YIPF4: variants seen among roughly 807,000 people sequenced by gnomAD.
YIPF4 encodes Yip1 domain family member 4, also known as protein YIPF4.
Under a neutral mutation model 29.4 loss-of-function variants are expected in YIPF4, and 18 were observed. The observed-to-expected ratio is 0.61, with a 90% CI of 0.42 to 0.91. YIPF4 has a LOEUF of 0.91. YIPF4 is among the 40% of genes least tolerant of loss of function. YIPF4 has a pLI of 0.00. For missense variants in YIPF4, 279 were observed against 282.7 expected, an observed-to-expected ratio of 0.99 and a Z score of 0.09; for synonymous variants, 115 against 104.7, an observed-to-expected ratio of 1.10 and a Z score of -0.60.
At chr2:32,296,428 G>A (rs1196496328) in intron 3 of YIPF4, among the ~76,000 whole-genome samples, 2 of 149,098 alleles carry the variant, frequency 1.3e-5, no homozygotes, top group Admixed American at 6.7e-5. Context: ...CCGAGATCAC[G>A]CCACTGCACT....
chr2:32,289,645 C>G (rs1352460569), intron 1 of YIPF4, among the ~76,000 whole-genome samples: 1 of 152,092 alleles, frequency 6.6e-6, no homozygotes, highest in African/African-American at 2.4e-5. Flanking sequence ...AAATCCTTAA[C>G]TATTTCCATT....
At chr2:32,278,938 A>G (rs2030244531) in intron 1 of YIPF4, among the ~76,000 whole-genome samples, 1 of 151,908 alleles carries the variant, frequency 6.6e-6, no homozygotes, top group African/African-American at 2.4e-5. Flanking sequence ...TCAGTTCCCT[A>G]TCCAACTCAT....
intron 3 of YIPF4, among the ~76,000 whole-genome samples, chr2:32,293,668 C>T (rs1351359156): frequency 9.3e-5 from 14 of 151,096 alleles, no homozygotes; most frequent in African/African-American, 2.7e-4. Context: ...TAGGGGAGGC[C>T]GGGCAGAGGC....
In YIPF4 at chr2:32,292,280, C is replaced by G. The variant is rs780167554; in HGVS notation, c.337C>G (p.Pro113Ala). 5.0e-6 allele frequency: 8 copies of G among 1,605,838 alleles called. No homozygotes were observed. In the South Asian group the frequency reaches 8.9e-5, roughly 18 times the overall value. ...GFNRQVVRDN[P>A]DFWGPLAVVL... ...TAATAGACAAGTGGTGAGAGACAATCCTGACTTTTGGGGTCCTCTGGCTGT... is the reference window on the plus strand; with the variant it reads ...TAATAGACAAGTGGTGAGAGACAATGCTGACTTTTGGGGTCCTCTGGCTGT... Residue 113 changes from proline to alanine, a missense_variant, in exon 3 of 6, where the codon CCT becomes GCT. Physicochemically the swap from Pro to Ala is conservative, Grantham distance 27. Coordinates refer to ENST00000238831, the MANE Select transcript of YIPF4 (RefSeq NM_032312.4).
At chr2:32,286,294 G>A (rs189245413) in intron 1 of YIPF4, among the ~76,000 whole-genome samples, 1 of 152,138 alleles carries the variant, frequency 6.6e-6, no homozygotes, top group South Asian at 2.1e-4. Flanking sequence ...GAAAAACTGG[G>A]TAAAGGGTAC....
rs970309379 is a variant in YIPF4, at chr2:32,315,057, T to A, written c.*9431T>A. ...CATAATCCATAACTGATATGGCAGTTTAACAGTGTTATTAAGAACTCAAGG... is the reference window on the plus strand; with the variant it reads ...CATAATCCATAACTGATATGGCAGTATAACAGTGTTATTAAGAACTCAAGG... On this transcript the variant is annotated 3_prime_UTR_variant, in exon 6 of 6. Transcript: ENST00000238831. 1 of 152,230 alleles carries A rather than the reference T, an allele frequency of 6.6e-6. No individual in the cohort carries two copies. The highest frequency in any genetic ancestry group is 6.5e-5 in the Admixed American group (1 of 15,286). The allele number at this position is 152,230 out of a possible 1,614,324, so 9.4% of individuals were successfully genotyped here.
chr2:32,314,711 T>A lies in YIPF4; in HGVS notation c.*9085T>A, dbSNP rs1224961055. 6.6e-6 allele frequency: 1 copy of A among 152,026 alleles called. No homozygotes were observed. The highest frequency in any genetic ancestry group is 1.5e-5 in the Non-Finnish European group (1 of 68,012). The allele number at this position is 152,026 out of a possible 1,614,324, so 9.4% of individuals were successfully genotyped here. On this transcript the variant is annotated 3_prime_UTR_variant, in exon 6 of 6. Coordinates refer to ENST00000238831, the MANE Select transcript of YIPF4 (RefSeq NM_032312.4). ...AAAAATAAGGCTCCAAGCGCTGTTG[T>A]GAGGGTTAAATGAACTAGATAATTA...
intron 3 of YIPF4, among the ~76,000 whole-genome samples, chr2:32,295,831 G>C (rs2031157306): frequency 6.6e-6 from 1 of 152,134 alleles, no homozygotes; most frequent in Non-Finnish European, 1.5e-5. Flanking sequence ...TCAAACTCCT[G>C]ATCTCAGGTG....
chr2:32,306,648 A>T lies in YIPF4; in HGVS notation c.*1022A>T. 1.0e-6 allele frequency: 1 copy of T among 966,284 alleles called. No homozygotes were observed. The highest frequency in any genetic ancestry group is 4.8e-5 in the South Asian group (1 of 20,906). The allele number at this position is 966,284 out of a possible 1,614,324, so 59.9% of individuals were successfully genotyped here. On this transcript the variant is annotated 3_prime_UTR_variant, in exon 6 of 6. Coordinates refer to ENST00000238831, the MANE Select transcript of YIPF4 (RefSeq NM_032312.4). ...ATCAGGTACTCTCTAACAAATGTAC[A>T]GTTTTTGCTAAGGGAAATATTAAGA...
At position 32,313,478 on chromosome 2, in the gene YIPF4, C is replaced by T. The variant is rs375139088; in HGVS notation, c.*7852C>T. 5 of 152,006 alleles carry T rather than the reference C, an allele frequency of 3.3e-5. No homozygotes were observed. The highest frequency in any genetic ancestry group is 3.9e-4 in the East Asian group (2 of 5,166). 9.4% of individuals were successfully genotyped at this position (152,006 alleles called of 1,614,324 possible). On this transcript the variant is annotated 3_prime_UTR_variant, in exon 6 of 6. Coordinates refer to ENST00000238831, the MANE Select transcript of YIPF4 (RefSeq NM_032312.4). ...TGCCTCCCAGGTTCAAGTGATTCTCCTGCCTCAGCCTCCCAAGTAGCTGGG... is the reference window on the plus strand; with the variant it reads ...TGCCTCCCAGGTTCAAGTGATTCTCTTGCCTCAGCCTCCCAAGTAGCTGGG...
At chr2:32,296,909 A>G (rs549669960) in intron 3 of YIPF4, among the ~76,000 whole-genome samples, 30 of 152,180 alleles carry the variant, frequency 2.0e-4, no homozygotes, top group African/African-American at 6.0e-4. Context: ...GTTTCCCTCA[A>G]TCATTTTATT....
Position 32,307,179 on chromosome 2 carries a change from GA to G in YIPF4, c.*1555del. ...TAATCAGGAAATATCTATGCCTACA[GA>G]AGCAGCAACCGTAAGATAAACATTT... is the stretch of plus-strand genomic sequence containing the variant. On this transcript the variant is annotated 3_prime_UTR_variant, in exon 6 of 6. Transcript: ENST00000238831. 7.9e-7 allele frequency: 1 copy of G among 1,270,358 alleles called. No individual in the cohort carries two copies. Among genetic ancestry groups the G allele is most frequent in the Non-Finnish European group, 1.0e-6 (1 of 971,392 alleles). 78.7% of individuals were successfully genotyped at this position (1,270,358 alleles called of 1,614,324 possible). A position where few individuals can be genotyped will look rare whatever the true frequency, so the allele number is the denominator to read the frequency against.
intron 3 of YIPF4, among the ~76,000 whole-genome samples, chr2:32,297,695 C>G (rs2031249265): frequency 6.6e-6 from 1 of 151,846 alleles, no homozygotes; most frequent in African/African-American, 2.4e-5. Context: ...TAAAAGAAAC[C>G]AGTATCTGGG....
chr2:32,289,713 C>G (rs1281648792), intron 1 of YIPF4, among the ~76,000 whole-genome samples: 1 of 152,174 alleles, frequency 6.6e-6, no homozygotes, highest in Non-Finnish European at 1.5e-5. Context: ...CCCTGAGATA[C>G]TGTGCAGACT....
At position 32,290,547 on chromosome 2, in the gene YIPF4, A is replaced by G. The variant is rs1373988373; in HGVS notation, c.144A>G (p.Glu48=). 2.5e-6 allele frequency: 4 copies of G among 1,589,402 alleles called. No individual in the cohort carries two copies. Among genetic ancestry groups the G allele is most frequent in the Non-Finnish European group, 3.4e-6 (4 of 1,168,388 alleles). The part of the protein sequence containing the change: ...KLNLGGDFIK[E]STATTFLRQR... The stretch of plus-strand genomic sequence containing the variant: ...ATCTTGGTGGAGATTTTATCAAAGA[A>G]TCTACAGCTACTACATTTCTGAGAC... Residue 48 remains glutamate (E), a synonymous_variant, in exon 2 of 6, where the codon GAA becomes GAG. Transcript: ENST00000238831.
Position 32,277,998 on chromosome 2 carries a change from C to G in YIPF4, c.-158C>G. The G allele has an allele frequency of 1.6e-6, 1 of 608,870 alleles. No individual in the cohort carries two copies. Among genetic ancestry groups the G allele is most frequent in the Non-Finnish European group, 2.8e-6 (1 of 363,034 alleles). 37.7% of individuals were successfully genotyped at this position (608,870 alleles called of 1,614,324 possible). A position where few individuals can be genotyped will look rare whatever the true frequency, so the allele number is the denominator to read the frequency against. ...GTGGGGTAGTCTCGGGGCAGCTCAG[C>G]GGCCCGCTGTGCCCGTTTCTGGCCT... On this transcript the variant is annotated 5_prime_UTR_variant, in exon 1 of 6. Coordinates refer to ENST00000238831, the MANE Select transcript of YIPF4 (RefSeq NM_032312.4).
At chr2:32,290,269 G>A (rs562827372) in intron 1 of YIPF4, among the ~76,000 whole-genome samples, 2 of 152,158 alleles carry the variant, frequency 1.3e-5, no homozygotes, top group African/African-American at 4.8e-5. Context: ...CCTTTTGTAC[G>A]TTTTTTCACT....
At position 32,314,747 on chromosome 2, in the gene YIPF4, C is replaced by G. The variant is rs978932088; in HGVS notation, c.*9121C>G. ...TGAACTAGATAATTAATGTAATAAA[C>G]AGAATAGTTTTGGCATTCAACAAAC... On this transcript the variant is annotated 3_prime_UTR_variant, in exon 6 of 6. Coordinates refer to ENST00000238831, the MANE Select transcript of YIPF4 (RefSeq NM_032312.4). 6.6e-6 allele frequency: 1 copy of G among 152,130 alleles called. No individual in the cohort carries two copies. Among genetic ancestry groups the G allele is most frequent in the East Asian group, 1.9e-4 (1 of 5,184 alleles). The allele number at this position is 152,130 out of a possible 1,614,324, so 9.4% of individuals were successfully genotyped here. A position where few individuals can be genotyped will look rare whatever the true frequency, so the allele number is the denominator to read the frequency against.
chr2:32,293,593 A>T (rs915809908), intron 3 of YIPF4, among the ~76,000 whole-genome samples: 4 of 152,152 alleles, frequency 2.6e-5, no homozygotes. Context: ...CCCGTTCTCA[A>T]TGAGCTGTTG....
Sources: allele counts gnomAD v4.1 joint callset (sites outside exome capture counted in the v4.1 genomes callset), GRCh38; gene constraint gnomAD v4.1.1; transcripts MANE v1.5; gene names NCBI Gene and HGNC (gene_info 2026-07-23, HGNC 2026-07-21).